The following CNTNAP5 variants were observed in gnomAD, a reference collection of about 807,000 sequenced individuals.
The protein encoded by CNTNAP5 is contactin-associated protein-like 5.
Under a neutral mutation model 150.2 loss-of-function variants are expected in CNTNAP5, and 72 were observed. That is an observed-to-expected ratio of 0.48 (90% confidence interval 0.40 to 0.58). CNTNAP5 has a LOEUF of 0.58. Ranked by LOEUF, CNTNAP5 falls within the 20% of genes least tolerant of loss-of-function variation. The pLI, the probability that CNTNAP5 is intolerant of heterozygous loss-of-function variation, is 0.00. For synonymous variants in CNTNAP5, 672 were observed against 619.8 expected (o/e 1.08, Z -1.25); for missense variants, 1,636 against 1,626.2 (o/e 1.01, Z -0.10).
At chr2:124,131,044 G>A (rs1004562123) in intron 1 of CNTNAP5, among the ~76,000 whole-genome samples, 4 of 152,126 alleles carry the variant, frequency 2.6e-5, no homozygotes, top group Non-Finnish European at 5.9e-5. Context: ...ATTTTTCTGA[G>A]AAATTTAAAC....
At chr2:124,354,237 G>A (rs764257345) in intron 3 of CNTNAP5, among the ~76,000 whole-genome samples, 7 of 152,062 alleles carry the variant, frequency 4.6e-5, no homozygotes, top group South Asian at 2.1e-4. Flanking sequence ...ATAACACTGC[G>A]GATGTTTTTA....
intron 3 of CNTNAP5, among the ~76,000 whole-genome samples, chr2:124,402,746 C>T (rs1691461374): frequency 6.6e-6 from 1 of 152,162 alleles, no homozygotes; most frequent in Non-Finnish European, 1.5e-5. Flanking sequence ...CACATATGCA[C>T]TTATGATATA....
intron 13 of CNTNAP5, among the ~76,000 whole-genome samples, chr2:124,691,415 G>A (rs1679298284): frequency 6.6e-6 from 1 of 152,068 alleles, no homozygotes; most frequent in Non-Finnish European, 1.5e-5. Flanking sequence ...AGGGATTCTA[G>A]TTTCTATGCC....
chr2:124,874,278 G>A (rs1461070507), intron 21 of CNTNAP5, among the ~76,000 whole-genome samples: 1 of 152,018 alleles, frequency 6.6e-6, no homozygotes, highest in Non-Finnish European at 1.5e-5. Flanking sequence ...AACATTAAAA[G>A]AGAGAGAGAG....
chr2:124,259,921 C>T (rs868699046), intron 3 of CNTNAP5, among the ~76,000 whole-genome samples: 11 of 152,088 alleles, frequency 7.2e-5, no homozygotes, highest in Non-Finnish European at 1.2e-4. Context: ...GAATCAATAT[C>T]GTGAAAATGG....
At chr2:124,326,551 C>T (rs12615792) in intron 3 of CNTNAP5, among the ~76,000 whole-genome samples, 1 of 152,110 alleles carries the variant, frequency 6.6e-6, no homozygotes, top group East Asian at 1.9e-4. Context: ...AGGCAGATTC[C>T]TTCAGAGAGG....
intron 1 of CNTNAP5, among the ~76,000 whole-genome samples, chr2:124,215,851 AGTT>A (rs2104732092): frequency 6.6e-6 from 1 of 152,268 alleles, no homozygotes; most frequent in East Asian, 1.9e-4. Flanking sequence ...CCATTATAAC[AGTT>A]GTTATAAATA....
At chr2:124,440,917 C>G (rs1172751037) in intron 5 of CNTNAP5, among the ~76,000 whole-genome samples, 1 of 152,024 alleles carries the variant, frequency 6.6e-6, no homozygotes, top group Non-Finnish European at 1.5e-5. Context: ...TGAGATAAAA[C>G]TTAAAATAGA....
At chr2:124,370,348 G>A (rs928137497) in intron 3 of CNTNAP5, among the ~76,000 whole-genome samples, 4 of 152,112 alleles carry the variant, frequency 2.6e-5, no homozygotes, top group Non-Finnish European at 5.9e-5. Context: ...CTTCCAGGTA[G>A]GTTGTGTGAT....
chr2:124,040,828 G>C (rs563000282), intron 1 of CNTNAP5, among the ~76,000 whole-genome samples: 1 of 152,096 alleles, frequency 6.6e-6, no homozygotes, highest in Non-Finnish European at 1.5e-5. Flanking sequence ...TATATACTGA[G>C]AAATGTTCAA....
chr2:124,289,983 A>T (rs953669273), intron 3 of CNTNAP5, among the ~76,000 whole-genome samples: 2 of 152,200 alleles, frequency 1.3e-5, no homozygotes, highest in African/African-American at 2.4e-5. Flanking sequence ...TTTATTCAAG[A>T]AATATGTCAC....
Position 124,561,326 on chromosome 2 carries a change from A to T in CNTNAP5, c.1650-1891A>T, listed in dbSNP as rs146465029. 3.3e-4 allele frequency among the ~76,000 whole-genome samples: 51 copies of T among 152,316 alleles called. No homozygotes were observed. In the East Asian group the frequency reaches 9.1e-3, roughly 27 times the overall value. On this transcript the variant is annotated intron_variant, in intron 10 of 23. Coordinates refer to ENST00000682447, the MANE Select transcript of CNTNAP5 (RefSeq NM_001367498.1). ...TAGCCCCCCAGGATCTCCTGAGGAC[A>T]TGCCTGGAGAAAGAAATCCTTACTG...
intron 12 of CNTNAP5, among the ~76,000 whole-genome samples, chr2:124,616,962 C>G (rs756446465): frequency 6.6e-6 from 1 of 152,004 alleles, no homozygotes; most frequent in Non-Finnish European, 1.5e-5. Context: ...GACCACTGAT[C>G]GCAGATCACC....
intron 13 of CNTNAP5, among the ~76,000 whole-genome samples, chr2:124,715,765 C>T (rs1000131341): frequency 6.6e-6 from 1 of 152,034 alleles, no homozygotes; most frequent in Non-Finnish European, 1.5e-5. Flanking sequence ...AATACTCTCC[C>T]GAAAATGCCG....
chr2:124,620,731 A>ACACACACACACATG, intron 12 of CNTNAP5, among the ~76,000 whole-genome samples: 1 of 121,858 alleles, frequency 8.2e-6, no homozygotes, highest in South Asian at 2.6e-4. Flanking sequence ...TATATGCTAC[A>ACACACACACACATG]CACACACACA....
At chr2:124,168,624 C>A (rs953971986) in intron 1 of CNTNAP5, among the ~76,000 whole-genome samples, 4 of 152,108 alleles carry the variant, frequency 2.6e-5, no homozygotes, top group African/African-American at 9.7e-5. Context: ...TTAGACCTGG[C>A]CTCAACAGAA....
At chr2:124,241,508 C>G (rs1263346459) in intron 2 of CNTNAP5, among the ~76,000 whole-genome samples, 1 of 152,128 alleles carries the variant, frequency 6.6e-6, no homozygotes, top group Non-Finnish European at 1.5e-5. Flanking sequence ...CTGATCAGCT[C>G]CTGAGGCATT....
intron 12 of CNTNAP5, among the ~76,000 whole-genome samples, chr2:124,625,550 C>T (rs765775009): frequency 4.6e-5 from 7 of 152,174 alleles, no homozygotes; most frequent in Non-Finnish European, 8.8e-5. Context: ...AGGTGATTAG[C>T]ACAGTGCTCA....
chr2:124,293,502 A>G (rs1558837213), intron 3 of CNTNAP5, among the ~76,000 whole-genome samples: 1 of 152,216 alleles, frequency 6.6e-6, no homozygotes, highest in Non-Finnish European at 1.5e-5. Flanking sequence ...ATAGGTTTTA[A>G]ATAACTAAAA....
Sources: gnomAD v4.1 joint callset for allele counts (sites outside exome capture counted in the v4.1 genomes callset) on GRCh38, gnomAD v4.1.1 for gene constraint, MANE v1.5 for transcripts, NCBI Gene and HGNC (gene_info 2026-07-23, HGNC 2026-07-21) for gene names.